KCNQ1: variants seen among roughly 807,000 people sequenced by gnomAD.
The protein encoded by KCNQ1 is potassium voltage-gated channel subfamily KQT member 1.
KCNQ1 carries 49 observed loss-of-function variants against 72.4 expected under a neutral mutation model. That is an observed-to-expected ratio of 0.68 (90% CI 0.54 to 0.86). KCNQ1 has a LOEUF of 0.86. Ranked by LOEUF, KCNQ1 falls within the 40% of genes least tolerant of loss-of-function variation. KCNQ1 has a pLI of 0.00. For synonymous variants in KCNQ1, 450 were observed against 412.6 expected, an observed-to-expected ratio of 1.09 and a Z score of -1.10; for missense variants, 790 against 945.1, an observed-to-expected ratio of 0.84 and a Z score of 2.15.
At chr11:2,833,586 G>A (rs1847998664) in intron 15 of KCNQ1, among the ~76,000 whole-genome samples, 2 of 152,230 alleles carry the variant, frequency 1.3e-5, no homozygotes, top group Non-Finnish European at 2.9e-5. Context: ...TGGGAGGCAA[G>A]AGGCTGGGTT....
intron 15 of KCNQ1, among the ~76,000 whole-genome samples, chr11:2,788,119 AG>A: frequency 6.6e-6 from 1 of 152,148 alleles, no homozygotes; most frequent in Non-Finnish European, 1.5e-5. Flanking sequence ...AGCACACTCC[AG>A]TAGTTGCCAT....
intron 7 of KCNQ1, among the ~76,000 whole-genome samples, chr11:2,584,587 TTGTGGGTTAGTGTGTGTTAG>T: frequency 6.7e-6 from 1 of 150,132 alleles, no homozygotes; most frequent in Non-Finnish European, 1.5e-5. Flanking sequence ...TTGTGTGTGT[TTGTGGGTTAGTGTGTGTTAG>T]TGTGGGTTAC....
At chr11:2,501,258 A>T (rs76310703) in intron 1 of KCNQ1, among the ~76,000 whole-genome samples, 11,096 of 137,220 alleles carry the variant, frequency 0.081, 589 homozygotes, top group East Asian at 0.25. Flanking sequence ...TTTTTTTTTT[A>T]AAAGATAAAA....
At chr11:2,456,263 C>T (rs1249594555) in intron 1 of KCNQ1, among the ~76,000 whole-genome samples, 1 of 151,232 alleles carries the variant, frequency 6.6e-6, no homozygotes, top group Non-Finnish European at 1.5e-5. Context: ...CACCACTGCG[C>T]TCCAGCCTGG....
rs1055550043 is a variant in KCNQ1, at chr11:2,577,892, C to T, written c.921+4906C>T. On this transcript the variant is annotated intron_variant, in intron 6 of 15. Transcript: ENST00000155840. The stretch of plus-strand genomic sequence containing the variant: ...CCACCCAGGGGCCTCCCTCTGTCCA[C>T]GGCTCCCCCTTTCCCAGGCCACCCC... Among the ~76,000 whole-genome samples, 107 of 152,082 alleles carry T rather than the reference C, an allele frequency of 7.0e-4. 1 individual carries two copies. The highest frequency in any genetic ancestry group is 2.4e-3 in the African/African-American group (99 of 41,412).
intron 1 of KCNQ1, among the ~76,000 whole-genome samples, chr11:2,489,380 A>G (rs761547151): frequency 1.6e-4 from 24 of 152,212 alleles, no homozygotes; most frequent in Non-Finnish European, 3.2e-4. Flanking sequence ...GGGGAATCAC[A>G]TATCTCAGGG....
At chr11:2,573,913 G>T (rs552953610) in intron 6 of KCNQ1, among the ~76,000 whole-genome samples, 1 of 152,370 alleles carries the variant, frequency 6.6e-6, no homozygotes, top group South Asian at 2.1e-4. Flanking sequence ...CAAGTCACTG[G>T]CCTGTGGGCC....
At chr11:2,696,456 C>A in intron 11 of KCNQ1, 1 of 398,656 alleles carries the variant, frequency 2.5e-6, no homozygotes, top group Admixed American at 4.4e-5. Context: ...GTCACCACAC[C>A]GCTCTGATTG....
chr11:2,499,938 A>G (rs1402798799), intron 1 of KCNQ1, among the ~76,000 whole-genome samples: 1 of 152,244 alleles, frequency 6.6e-6, no homozygotes, highest in Non-Finnish European at 1.5e-5. Context: ...AAGTCTTGAA[A>G]CATTCTAAAA....
At chr11:2,501,427 G>A (rs1001471746) in intron 1 of KCNQ1, among the ~76,000 whole-genome samples, 2 of 151,942 alleles carry the variant, frequency 1.3e-5, no homozygotes, top group African/African-American at 2.4e-5. Flanking sequence ...GGAAAATCTG[G>A]AAGAAATGGA....
At position 2,663,911 on chromosome 11, in the gene KCNQ1, G is replaced by A; in HGVS notation, c.1514+1830G>A. 2.5e-6 allele frequency: 1 copy of A among 398,724 alleles called. No individual in the cohort carries two copies. Among genetic ancestry groups the A allele is most frequent in the Non-Finnish European group, 4.4e-6 (1 of 226,118 alleles). 24.7% of individuals were successfully genotyped at this position (398,724 alleles called of 1,614,324 possible). ...CAAGCCAGTGTGGCTGTGTCATCTA[G>A]GACACTGGGCTGTTTCTTGTTCCAC... On this transcript the variant is annotated intron_variant, in intron 11 of 15. Coordinates refer to ENST00000155840, the MANE Select transcript of KCNQ1 (RefSeq NM_000218.3). This position sits in a 1 kb window ranked among gnomAD's most constrained non-coding sequence, Gnocchi z 5.2.
chr11:2,571,212 G>A lies in KCNQ1; in HGVS notation c.605-113G>A, dbSNP rs145089031. 1,918 of 865,070 alleles carry A rather than the reference G, an allele frequency of 2.2e-3. 21 individuals are homozygous for A. The African/African-American group carries it at 0.026, about 12-fold the overall frequency. The allele number at this position is 865,070 out of a possible 1,614,324, so 53.6% of individuals were successfully genotyped here. On this transcript the variant is annotated intron_variant, in intron 3 of 15. Transcript: ENST00000155840. Reference sequence around the variant, plus strand: ...TCTCCATGTCCCCGGTCATCAGGGCGTGACCCGTCTGACCAGCAAGCCCCT... The same window carrying A: ...TCTCCATGTCCCCGGTCATCAGGGCATGACCCGTCTGACCAGCAAGCCCCT...
chr11:2,490,639 T>C (rs1027903583), intron 1 of KCNQ1, among the ~76,000 whole-genome samples: 6 of 152,236 alleles, frequency 3.9e-5, no homozygotes, highest in Non-Finnish European at 8.8e-5. Flanking sequence ...TGCCTCGTAA[T>C]GCAGAGAATT....
At position 2,549,963 on chromosome 11, in the gene KCNQ1, G is replaced by A. The variant is rs1262413943; in HGVS notation, c.478-20665G>A. 1.3e-5 allele frequency among the ~76,000 whole-genome samples: 2 copies of A among 152,222 alleles called. No homozygotes were observed. The highest frequency in any genetic ancestry group is 2.9e-5 in the Non-Finnish European group (2 of 68,034). ...GCGTAGAGGAGCAGGAAGGGAGCCA[G>A]CTCCACCTCCAGTAGACCCAGAGAC... On this transcript the variant is annotated intron_variant, in intron 2 of 15. Transcript: ENST00000155840. The surrounding 1 kb of genome is among the most constrained non-coding windows in gnomAD (Gnocchi z 6.2).
chr11:2,628,551 C>A, intron 10 of KCNQ1: 1 of 398,390 alleles, frequency 2.5e-6, no homozygotes. Context: ...AATAGCTTAT[C>A]AGATATATGG....
intron 11 of KCNQ1, among the ~76,000 whole-genome samples, chr11:2,717,950 C>G (rs231887): frequency 6.6e-6 from 1 of 152,090 alleles, no homozygotes; most frequent in Non-Finnish European, 1.5e-5. Context: ...GAGTAAAGAC[C>G]ACACCTGGCA....
intron 15 of KCNQ1, among the ~76,000 whole-genome samples, chr11:2,779,484 C>T (rs930096173): frequency 2.0e-5 from 3 of 152,096 alleles, no homozygotes; most frequent in Non-Finnish European, 4.4e-5. Context: ...GCCAGGCAGG[C>T]GGGGCGTGAA....
Position 2,704,836 on chromosome 11 carries a change from G to A in KCNQ1, c.1514+42755G>A, listed in dbSNP as rs1465444537. Among the ~76,000 whole-genome samples, 6 of 152,158 alleles carry A rather than the reference G, an allele frequency of 3.9e-5. No homozygotes were observed. Among genetic ancestry groups the A allele is most frequent in the African/African-American group, 1.4e-4 (6 of 41,426 alleles). On this transcript the variant is annotated intron_variant, in intron 11 of 15. Transcript: ENST00000155840. The surrounding 1 kb of genome is among the most constrained non-coding windows in gnomAD (Gnocchi z 4.3). ...CAACAGGGGTAGCAGCCTAGTGCAT[G>A]TATGACCACGAGCGAGCCCAAGGGA...
At chr11:2,794,892 A>G (rs750032158) in intron 15 of KCNQ1, among the ~76,000 whole-genome samples, 3 of 152,170 alleles carry the variant, frequency 2.0e-5, no homozygotes, top group Admixed American at 1.3e-4. Context: ...TCTTGAAAGC[A>G]AGATGCCACC....
Sources: gnomAD v4.1 joint callset for allele counts (sites outside exome capture counted in the v4.1 genomes callset) on GRCh38, gnomAD v4.1.1 for gene constraint, Gnocchi (gnomAD v3.1) non-coding constraint, MANE v1.5 for transcripts, NCBI Gene and HGNC (gene_info 2026-07-23, HGNC 2026-07-21) for gene names.